Variants in SPATA17 observed in about 807,000 individuals in gnomAD.
SPATA17 encodes spermatogenesis associated 17.
A neutral mutation model predicts 62.2 loss-of-function variants in SPATA17; 53 were observed. The observed-to-expected ratio is 0.85, with a 90% confidence interval of 0.68 to 1.07. The LOEUF is 1.07. Among genes scored for constraint, SPATA17 ranks in the 50% least tolerant of loss-of-function variants. The pLI, the probability that SPATA17 is intolerant of heterozygous loss-of-function variation, is 0.00. For missense variants in SPATA17, 466 were observed against 425.5 expected, an observed-to-expected ratio of 1.10 and a Z score of -0.84; for synonymous variants, 146 against 146.8, an observed-to-expected ratio of 0.99 and a Z score of 0.04.
In SPATA17 at chr1:217,871,251, A is replaced by G. The variant is rs1676122639; in HGVS notation, c.*4232A>G. The G allele has an allele frequency of 6.6e-6, 1 of 152,152 alleles. No homozygotes were observed. Among genetic ancestry groups the G allele is most frequent in the Non-Finnish European group, 1.5e-5 (1 of 68,018 alleles). The allele number at this position is 152,152 out of a possible 1,614,324, so 9.4% of individuals were successfully genotyped here. A position where few individuals can be genotyped will look rare whatever the true frequency, so the allele number is the denominator to read the frequency against. On this transcript the variant is annotated 3_prime_UTR_variant, in exon 11 of 11. Transcript: ENST00000366933. ...GTTGTCAACTCAAGATTGTATTCTC[A>G]TCTGGGGACATTATGAATCTTGTTA... is the stretch of plus-strand genomic sequence containing the variant.
chr1:217,656,325 C>T (rs1020248648), intron 3 of SPATA17, among the ~76,000 whole-genome samples: 7 of 152,132 alleles, frequency 4.6e-5, no homozygotes, highest in African/African-American at 1.7e-4. Flanking sequence ...AAATAATAAG[C>T]CACCTAAGAA....
intron 3 of SPATA17, among the ~76,000 whole-genome samples, chr1:217,663,248 C>T (rs1159667036): frequency 6.6e-6 from 1 of 152,054 alleles, no homozygotes; most frequent in Non-Finnish European, 1.5e-5. Flanking sequence ...AGTTCGAGAC[C>T]AACCTGGCCA....
At chr1:217,742,728 A>G (rs1672650441) in intron 6 of SPATA17, among the ~76,000 whole-genome samples, 1 of 152,222 alleles carries the variant, frequency 6.6e-6, no homozygotes, top group Non-Finnish European at 1.5e-5. Context: ...GTTTTAAAAA[A>G]GCATGAGTTT....
At chr1:217,812,269 T>C (rs1387896329) in intron 9 of SPATA17, among the ~76,000 whole-genome samples, 1 of 152,194 alleles carries the variant, frequency 6.6e-6, no homozygotes, top group African/African-American at 2.4e-5. Context: ...CTTCCTCTCA[T>C]CACATTCATA....
At chr1:217,806,595 A>T (rs1039620197) in intron 9 of SPATA17, among the ~76,000 whole-genome samples, 12 of 152,016 alleles carry the variant, frequency 7.9e-5, no homozygotes, top group Non-Finnish European at 1.6e-4. Context: ...AGCTGGTATA[A>T]TCTCATCTCT....
At chr1:217,651,408 G>C (rs1456063281) in intron 3 of SPATA17, among the ~76,000 whole-genome samples, 1 of 152,062 alleles carries the variant, frequency 6.6e-6, no homozygotes, top group African/African-American at 2.4e-5. Context: ...TATTATTTTT[G>C]CTTGAAGTAC....
intron 9 of SPATA17, among the ~76,000 whole-genome samples, chr1:217,819,392 T>G (rs553826305): frequency 2.4e-4 from 36 of 152,088 alleles, no homozygotes; most frequent in African/African-American, 8.4e-4. Flanking sequence ...TACTTCCTTC[T>G]TTCATTTCTG....
intron 6 of SPATA17, among the ~76,000 whole-genome samples, chr1:217,749,943 T>TTCTCTCTCTCTCTCTCTC (rs1188300100): frequency 1.2e-4 from 5 of 41,456 alleles, no homozygotes; most frequent in Non-Finnish European, 1.9e-4. Context: ...TGTCATAAGA[T>TTCTCTCTCTCTCTCTCTC]TCTCTCTCTC....
chr1:217,774,596 T>G (rs1673543839), intron 7 of SPATA17, 59 bp downstream of exon 7: 1 of 1,420,472 alleles, frequency 7.0e-7, no homozygotes, highest in Non-Finnish European at 9.7e-7. Flanking sequence ...TTTTTTGCAC[T>G]TTTTATATAA....
chr1:217,866,461 GT>G (rs1676012152), intron 10 of SPATA17: 1 of 152,010 alleles, frequency 6.6e-6, no homozygotes, highest in African/African-American at 2.4e-5. Context: ...TAGTTTGTTT[GT>G]TTTTGTTTTT....
intron 6 of SPATA17, among the ~76,000 whole-genome samples, chr1:217,761,389 A>G (rs67428610): frequency 0.29 from 43,449 of 152,082 alleles, 7,420 homozygotes; most frequent in Non-Finnish European, 0.39. Context: ...CACCTTATAC[A>G]CCAAACTCCT....
intron 9 of SPATA17, among the ~76,000 whole-genome samples, chr1:217,832,432 T>G (rs1259018368): frequency 9.2e-5 from 14 of 152,140 alleles, no homozygotes; most frequent in Admixed American, 9.2e-4. Flanking sequence ...TGATCTATAA[T>G]AGACATAAAT....
chr1:217,710,726 G>A (rs145830417), intron 5 of SPATA17, among the ~76,000 whole-genome samples: 33 of 152,014 alleles, frequency 2.2e-4, no homozygotes, highest in African/African-American at 7.7e-4. Flanking sequence ...TAAGTACTAT[G>A]GATTTTAGTA....
chr1:217,842,303 C>A (rs1292717261), intron 9 of SPATA17, among the ~76,000 whole-genome samples: 1 of 151,896 alleles, frequency 6.6e-6, no homozygotes, highest in Non-Finnish European at 1.5e-5. Flanking sequence ...GTTTTAGTAT[C>A]GAGATTATGC....
At chr1:217,714,185 C>T (rs1289448949) in intron 5 of SPATA17, among the ~76,000 whole-genome samples, 1 of 151,940 alleles carries the variant, frequency 6.6e-6, no homozygotes, top group Non-Finnish European at 1.5e-5. Context: ...GTCAGTAGTT[C>T]GAGACCAGAC....
At chr1:217,634,940 T>C (rs982822108) in intron 1 of SPATA17, among the ~76,000 whole-genome samples, 1 of 151,768 alleles carries the variant, frequency 6.6e-6, no homozygotes, top group Non-Finnish European at 1.5e-5. Flanking sequence ...GTTGTTAACT[T>C]TCTCTAGTAA....
chr1:217,768,495 C>CTTT (rs1183998775), intron 6 of SPATA17, among the ~76,000 whole-genome samples: 1 of 142,444 alleles, frequency 7.0e-6, no homozygotes, highest in Admixed American at 7.1e-5. Flanking sequence ...CTCTACCCAT[C>CTTT]TTTTTTTTTT....
chr1:217,723,750 C>CA (rs904424645), intron 5 of SPATA17, among the ~76,000 whole-genome samples: 2 of 152,054 alleles, frequency 1.3e-5, no homozygotes, highest in African/African-American at 4.8e-5. Context: ...GACGAGAGAC[C>CA]AAAAAATCAC....
intron 3 of SPATA17, among the ~76,000 whole-genome samples, chr1:217,655,248 A>AT (rs1670417979): frequency 6.6e-6 from 1 of 152,090 alleles, no homozygotes; most frequent in Admixed American, 6.5e-5. Flanking sequence ...TAACCCTAAT[A>AT]TTTTTGGAGA....
Sources: gnomAD v4.1 joint callset for allele counts (sites outside exome capture counted in the v4.1 genomes callset) on GRCh38, gnomAD v4.1.1 for gene constraint, MANE v1.5 for transcripts, NCBI Gene and HGNC (gene_info 2026-07-23, HGNC 2026-07-21) for gene names.